Variants in F13A1 observed in about 807,000 individuals in gnomAD.
F13A1 encodes FSF, A subunit.
In F13A1, 47 loss-of-function variants were observed where a neutral mutation model predicts 80.1. The ratio of observed to expected loss-of-function variants is 0.59; its 90% CI spans 0.46 to 0.75. The LOEUF (loss-of-function observed/expected upper bound fraction) is 0.75. F13A1 is among the 30% of genes least tolerant of loss of function. F13A1 has a pLI of 0.00. For missense variants in F13A1, 817 were observed against 930.4 expected, an observed-to-expected ratio of 0.88 and a Z score of 1.59; for synonymous variants, 349 against 344.9, an observed-to-expected ratio of 1.01 and a Z score of -0.13.
chr6:6,268,367 A>C (rs1757873926), intron 3 of F13A1, among the ~76,000 whole-genome samples: 1 of 152,210 alleles, frequency 6.6e-6, no homozygotes, highest in Admixed American at 6.5e-5. Context: ...AGAGTCATTA[A>C]GCAACTTACC....
At chr6:6,223,577 C>T (rs939529939) in intron 7 of F13A1, among the ~76,000 whole-genome samples, 4 of 152,012 alleles carry the variant, frequency 2.6e-5, no homozygotes, top group Admixed American at 6.6e-5. Context: ...TTCATTGCTC[C>T]CAAGAAATAT....
At chr6:6,281,260 C>T in intron 3 of F13A1, among the ~76,000 whole-genome samples, 1 of 152,184 alleles carries the variant, frequency 6.6e-6, no homozygotes, top group Non-Finnish European at 1.5e-5. Flanking sequence ...TAGAATTTCA[C>T]TCATTGCATA....
intron 14 of F13A1, 114 bp from the exon 15 acceptor site, chr6:6,145,886 A>C (rs1329129402): frequency 7.3e-7 from 1 of 1,376,732 alleles, no homozygotes; most frequent in Non-Finnish European, 1.0e-6. Context: ...GTTGGTGCTT[A>C]GGACACTGAA....
intron 2 of F13A1, among the ~76,000 whole-genome samples, chr6:6,314,443 T>C (rs1462589616): frequency 4.6e-5 from 7 of 152,198 alleles, no homozygotes; most frequent in Admixed American, 4.6e-4. Flanking sequence ...TTTCATCTTT[T>C]AGTCCCTCCT....
intron 8 of F13A1, among the ~76,000 whole-genome samples, chr6:6,210,347 A>ATATATATATATATATATATAT (rs1480582670): frequency 1.5e-5 from 2 of 134,316 alleles, no homozygotes; most frequent in African/African-American, 5.8e-5. Context: ...ATATATATAT[A>ATATATATATATATATATATAT]TTTCTTTTTT....
At chr6:6,182,532 G>A (rs1312581768) in intron 10 of F13A1, among the ~76,000 whole-genome samples, 4 of 152,158 alleles carry the variant, frequency 2.6e-5, no homozygotes, top group Admixed American at 2.6e-4. Context: ...GGAGGAAGAG[G>A]AAGTCTGCTA....
chr6:6,292,531 T>C (rs1456042641), intron 3 of F13A1, among the ~76,000 whole-genome samples: 2 of 152,228 alleles, frequency 1.3e-5, no homozygotes, highest in Admixed American at 6.5e-5. Context: ...CCTGATTCCC[T>C]GAAGTGGGCC....
rs990075106 is a variant in F13A1, at chr6:6,145,156, T to A, written c.*463A>T. On this transcript the variant is annotated 3_prime_UTR_variant, in exon 15 of 15. Transcript: ENST00000264870. ...TAGTCCTGGGAAAAATATTCTCACA[T>A]GGAGGGTAGAACCTGACCCCGAGAA... The A allele has an allele frequency of 5.4e-6, 1 of 186,856 alleles. No homozygotes were observed. Among genetic ancestry groups the A allele is most frequent in the Admixed American group, 5.4e-5 (1 of 18,362 alleles). 11.6% of individuals were successfully genotyped at this position (186,856 alleles called of 1,614,324 possible).
intron 2 of F13A1, among the ~76,000 whole-genome samples, chr6:6,313,307 G>T (rs1475071): frequency 0.75 from 107,427 of 143,538 alleles, 39,991 homozygotes; most frequent in East Asian, 0.87. Context: ...TTTTAAATAC[G>T]GTAGCTAGAA....
chr6:6,207,293 A>G (rs1761514148), intron 8 of F13A1, among the ~76,000 whole-genome samples: 2 of 152,308 alleles, frequency 1.3e-5, no homozygotes, highest in South Asian at 4.1e-4. Flanking sequence ...GCCACTGCTT[A>G]ACTTGCCTGG....
intron 5 of F13A1, 46 bp from the exon 6 acceptor site, chr6:6,248,465 A>T: frequency 6.9e-7 from 1 of 1,455,158 alleles, no homozygotes; most frequent in South Asian, 1.2e-5. Context: ...TTCACTCTGC[A>T]AGCAAAATAT....
chr6:6,155,026 G>A (rs1351963490), intron 13 of F13A1, among the ~76,000 whole-genome samples: 1 of 152,136 alleles, frequency 6.6e-6, no homozygotes, highest in African/African-American at 2.4e-5. Flanking sequence ...CCTCTACACA[G>A]ACATACACAG....
At chr6:6,255,677 A>G (rs1354323464) in intron 4 of F13A1, among the ~76,000 whole-genome samples, 1 of 152,136 alleles carries the variant, frequency 6.6e-6, no homozygotes, top group Non-Finnish European at 1.5e-5. Flanking sequence ...TAAGTGGCAA[A>G]GCATGATAGA....
chr6:6,184,863 T>A (rs1232251766), intron 10 of F13A1, among the ~76,000 whole-genome samples: 2 of 152,120 alleles, frequency 1.3e-5, no homozygotes, highest in Non-Finnish European at 2.9e-5. Context: ...GGCTTTTGTA[T>A]ATGTGTGTTG....
At chr6:6,213,439 G>A (rs1483404890) in intron 8 of F13A1, among the ~76,000 whole-genome samples, 10 of 151,682 alleles carry the variant, frequency 6.6e-5, no homozygotes, top group Admixed American at 1.3e-4. Flanking sequence ...AGCTTCATAA[G>A]TGAAGGAGAA....
At chr6:6,278,537 G>C (rs996018454) in intron 3 of F13A1, among the ~76,000 whole-genome samples, 2 of 151,858 alleles carry the variant, frequency 1.3e-5, no homozygotes, top group Non-Finnish European at 2.9e-5. Flanking sequence ...AGGGGAATTG[G>C]GGGAGGTATG....
intron 12 of F13A1, among the ~76,000 whole-genome samples, chr6:6,170,772 C>G (rs1267450824): frequency 6.6e-6 from 1 of 152,148 alleles, no homozygotes; most frequent in Non-Finnish European, 1.5e-5. Context: ...GGAAAGCTTT[C>G]TTTGCAGCAG....
intron 3 of F13A1, among the ~76,000 whole-genome samples, chr6:6,283,628 T>C (rs911673261): frequency 4.6e-5 from 7 of 152,240 alleles, no homozygotes; most frequent in Non-Finnish European, 1.0e-4. Flanking sequence ...CAACAATACA[T>C]GTACCCAATT....
At chr6:6,296,321 G>A (rs1758327157) in intron 3 of F13A1, among the ~76,000 whole-genome samples, 3 of 150,288 alleles carry the variant, frequency 2.0e-5, no homozygotes, top group South Asian at 4.2e-4. Flanking sequence ...CATTGAATCT[G>A]TAAATTACCT....
Sources: allele counts gnomAD v4.1 joint callset (sites outside exome capture counted in the v4.1 genomes callset), GRCh38; gene constraint gnomAD v4.1.1; transcripts MANE v1.5; gene names NCBI Gene and HGNC (gene_info 2026-07-23, HGNC 2026-07-21).